The following SCN11A variants were observed in gnomAD, a reference collection of about 807,000 sequenced individuals.
SCN11A encodes sodium channel protein type 11 subunit alpha.
Under a neutral mutation model 162.2 loss-of-function variants are expected in SCN11A, and 122 were observed. The observed-to-expected ratio is 0.75, with a 90% CI of 0.65 to 0.87. The LOEUF (loss-of-function observed/expected upper bound fraction) is 0.87. Among genes scored for constraint, SCN11A ranks in the 40% least tolerant of loss-of-function variants. The pLI, the probability that SCN11A is intolerant of heterozygous loss-of-function variation, is 0.00. For synonymous variants in SCN11A, 758 were observed against 751.5 expected, an observed-to-expected ratio of 1.01 and a Z score of -0.14; for missense variants, 2,015 against 2,181.6, an observed-to-expected ratio of 0.92 and a Z score of 1.52.
At chr3:38,964,646 C>T (rs1203959327) in intron 2 of SCN11A, among the ~76,000 whole-genome samples, 1 of 152,124 alleles carries the variant, frequency 6.6e-6, no homozygotes, top group Non-Finnish European at 1.5e-5. Flanking sequence ...TGGGGATGGG[C>T]TTTCCATGAA....
intron 29 of SCN11A, among the ~76,000 whole-genome samples, chr3:38,848,906 A>T (rs1384773911): frequency 6.6e-6 from 1 of 152,200 alleles, no homozygotes; most frequent in Non-Finnish European, 1.5e-5. Context: ...AGCTTGGAAA[A>T]GTACTGAGGC....
chr3:38,896,909 G>C lies in SCN11A; in HGVS notation c.2339C>G (p.Ala780Gly), dbSNP rs113359492. ...IENMWECMQE[A>G]NASSSLCVIV... Reference sequence around the variant, plus strand: ...AACACACAATGATGATGATGCATTCGCTTCTTGCATACATTCCCACATATT... The same window carrying C: ...AACACACAATGATGATGATGCATTCCCTTCTTGCATACATTCCCACATATT... Residue 780 changes from alanine (A) to glycine (G), a missense_variant, in exon 18 of 30, where the codon GCG (alanine) becomes GGG (glycine). By Grantham distance (60) the Ala-to-Gly change is moderately conservative. Transcript: ENST00000302328. The C allele has an allele frequency of 2.5e-6, 4 of 1,611,724 alleles. No individual in the cohort carries two copies. The African/African-American group carries it at 4.0e-5, about 16-fold the overall frequency.
chr3:38,985,709 G>A (rs28493660), intron 2 of SCN11A, among the ~76,000 whole-genome samples: 2,430 of 151,040 alleles, frequency 0.016, 258 homozygotes, highest in African/African-American at 0.056. Context: ...TTGCTGGGAT[G>A]GTGAAAACTA....
At chr3:38,886,276 C>A in intron 19 of SCN11A, 38 bp from the exon 20 acceptor site, 1 of 1,345,744 alleles carries the variant, frequency 7.4e-7, no homozygotes, top group Non-Finnish European at 1.1e-6. Flanking sequence ...AATATTCCTC[C>A]TGGACATGTC....
At chr3:38,944,643 A>G (rs2066489127) in intron 7 of SCN11A, among the ~76,000 whole-genome samples, 1 of 151,736 alleles carries the variant, frequency 6.6e-6, no homozygotes, top group Non-Finnish European at 1.5e-5. Flanking sequence ...TCCATTTCTA[A>G]GAGTGTATCT....
At chr3:38,950,004 A>C in intron 5 of SCN11A, 92 bp downstream of exon 5, 124 of 736,802 alleles carry the variant, frequency 1.7e-4, no homozygotes, top group East Asian at 2.7e-4. Context: ...TATAAACCCT[A>C]AGAGTGGTGT....
intron 1 of SCN11A, among the ~76,000 whole-genome samples, chr3:39,050,904 T>C (rs2032337364): frequency 6.6e-6 from 1 of 152,222 alleles, no homozygotes; most frequent in Non-Finnish European, 1.5e-5. Context: ...GACTAGCAGA[T>C]ACATCATATG....
At chr3:38,938,542 ATATATATATTTTTTTTTTTTT>A (rs2066385839) in intron 7 of SCN11A, among the ~76,000 whole-genome samples, 1 of 23,168 alleles carries the variant, frequency 4.3e-5, no homozygotes, top group African/African-American at 2.5e-4. Context: ...ATATATATAT[ATATATATATTTTTTTTTTTTT>A]TTTTTTTTTT....
chr3:38,861,442 CT>C (rs1234895780), intron 28 of SCN11A, among the ~76,000 whole-genome samples: 4 of 152,126 alleles, frequency 2.6e-5, no homozygotes, highest in Non-Finnish European at 5.9e-5. Context: ...CAAAGCAAGA[CT>C]AAGCAAAAAG....
intron 2 of SCN11A, among the ~76,000 whole-genome samples, chr3:39,012,486 C>CT (rs112265845): frequency 0.17 from 20,918 of 121,254 alleles, 2,446 homozygotes; most frequent in African/African-American, 0.3. Flanking sequence ...TTCTCTCTTT[C>CT]TTTTTTTTTT....
chr3:38,931,640 G>C (rs972262155), intron 7 of SCN11A, among the ~76,000 whole-genome samples: 2 of 152,110 alleles, frequency 1.3e-5, no homozygotes, highest in African/African-American at 4.8e-5. Flanking sequence ...TTTTTCCTTG[G>C]AGCATCCAAC....
intron 29 of SCN11A, among the ~76,000 whole-genome samples, chr3:38,848,266 C>T (rs748158237): frequency 6.6e-6 from 1 of 152,242 alleles, no homozygotes; most frequent in African/African-American, 2.4e-5. Context: ...CCTGCCTGCT[C>T]TGCAGGCAAG....
chr3:38,943,758 A>G (rs1483461207), intron 7 of SCN11A, among the ~76,000 whole-genome samples: 1 of 150,946 alleles, frequency 6.6e-6, no homozygotes, highest in African/African-American at 2.4e-5. Flanking sequence ...TGGGAACTGA[A>G]AAAGTGGATC....
intron 1 of SCN11A, among the ~76,000 whole-genome samples, chr3:39,037,315 CT>C (rs2031929120): frequency 6.6e-6 from 1 of 152,036 alleles, no homozygotes; most frequent in Non-Finnish European, 1.5e-5. Flanking sequence ...ATGATGGTTA[CT>C]AAAAGCTGTG....
chr3:38,950,007 A>C (rs975980150), intron 5 of SCN11A, 89 bp downstream of exon 5: 26 of 778,588 alleles, frequency 3.3e-5, no homozygotes, highest in Non-Finnish European at 4.3e-5. Context: ...AAACCCTAAG[A>C]GTGGTGTTTG....
intron 1 of SCN11A, among the ~76,000 whole-genome samples, chr3:39,034,621 G>A: frequency 6.6e-6 from 1 of 152,232 alleles, no homozygotes; most frequent in Middle Eastern, 3.4e-3. Flanking sequence ...GAGCAACCCA[G>A]TAAGAGAAAT....
intron 7 of SCN11A, among the ~76,000 whole-genome samples, chr3:38,944,334 T>A (rs1177258627): frequency 7.0e-6 from 1 of 142,052 alleles, no homozygotes; most frequent in Non-Finnish European, 1.5e-5. Flanking sequence ...AGAAAATCCA[T>A]TTTTTTTTTT....
intron 2 of SCN11A, among the ~76,000 whole-genome samples, chr3:39,000,484 C>T (rs2030775572): frequency 6.6e-6 from 1 of 152,188 alleles, no homozygotes; most frequent in Non-Finnish European, 1.5e-5. Context: ...AAATCAAATT[C>T]AAATATACCC....
intron 20 of SCN11A, 136 bp downstream of exon 20, chr3:38,885,989 T>C: frequency 1.8e-6 from 1 of 571,046 alleles, no homozygotes; most frequent in Non-Finnish European, 3.2e-6. Context: ...TTGAGAAACC[T>C]GGCCTAGACT....
Sources: gnomAD v4.1 joint callset for allele counts (sites outside exome capture counted in the v4.1 genomes callset) on GRCh38, gnomAD v4.1.1 for gene constraint, MANE v1.5 for transcripts, NCBI Gene and HGNC (gene_info 2026-07-23, HGNC 2026-07-21) for gene names.